Variants in GC observed in about 807,000 individuals in gnomAD.
GC encodes GC vitamin D binding protein.
Under a neutral mutation model 56.7 loss-of-function variants are expected in GC, and 43 were observed. The ratio of observed to expected loss-of-function variants is 0.76; its 90% confidence interval spans 0.59 to 0.98. The LOEUF is 0.98. Among genes scored for constraint, GC ranks in the 50% least tolerant of loss-of-function variants. The pLI, the probability that GC is intolerant of heterozygous loss-of-function variation, is 0.00. For missense variants in GC, 529 were observed against 545.9 expected (o/e 0.97, Z 0.31); for synonymous variants, 216 against 202.7 (o/e 1.07, Z -0.56).
At chr4:71,781,411 G>T (rs576847848) in intron 1 of GC, among the ~76,000 whole-genome samples, 1 of 149,702 alleles carries the variant, frequency 6.7e-6, no homozygotes, top group Non-Finnish European at 1.5e-5. Context: ...AACTTGAATC[G>T]AAAAAAAAGA....
chr4:71,751,216 T>C (rs1292345246), intron 11 of GC, among the ~76,000 whole-genome samples: 1 of 152,130 alleles, frequency 6.6e-6, no homozygotes, highest in Non-Finnish European at 1.5e-5. Flanking sequence ...CCCCTCACCG[T>C]GAAAATAGGG....
At chr4:71,777,329 G>C (rs559768553) in intron 1 of GC, among the ~76,000 whole-genome samples, 1 of 151,712 alleles carries the variant, frequency 6.6e-6, no homozygotes, top group South Asian at 2.1e-4. Flanking sequence ...GATATACATT[G>C]CTTTAAGTGC....
chr4:71,767,966 T>A (rs1470992055), intron 3 of GC, among the ~76,000 whole-genome samples: 1 of 152,160 alleles, frequency 6.6e-6, no homozygotes. Context: ...TGGGCTGATA[T>A]TTGAGAAGAT....
chr4:71,792,567 T>C (rs1260677508), intron 1 of GC, among the ~76,000 whole-genome samples: 3 of 152,214 alleles, frequency 2.0e-5, no homozygotes, highest in African/African-American at 7.2e-5. Context: ...ATTAGCCCTT[T>C]GTCAGATGGG....
chr4:71,758,123 A>G lies in GC; in HGVS notation c.750T>C (p.Asp250=). 1 of 1,613,478 alleles carries G rather than the reference A, an allele frequency of 6.2e-7. No individual in the cohort carries two copies. The highest frequency in any genetic ancestry group is 8.5e-7 in the Non-Finnish European group (1 of 1,179,480). ...AQKVPTADLE[D]VLPLAEDITN... is the part of the protein sequence containing the mutation. ...TAATATCTTCAGCTAGTGGCAAAAC[A>G]TCCTCCAGATCAGCAGTAGGCACTT... The change falls in exon 7 of 13, where the codon GAT becomes GAC. Residue 250 remains aspartate, a synonymous_variant. Coordinates refer to ENST00000273951, the MANE Select transcript of GC (RefSeq NM_000583.4).
At chr4:71,784,246 G>C (rs1422536581), upstream of GC, 4 of 1,219,116 alleles carry the variant, frequency 3.3e-6, no homozygotes, top group Non-Finnish European at 3.1e-6. Context: ...AGACACCCTG[G>C]GGATACTGTA....
intron 9 of GC, 65 bp from the exon 10 acceptor site, chr4:71,754,573 T>C: frequency 2.4e-6 from 2 of 845,478 alleles, no homozygotes; most frequent in Non-Finnish European, 3.9e-6. Context: ...ATCAAGCCAT[T>C]AAATCAAAAT....
chr4:71,797,168 G>A (rs1743126842), intron 1 of GC, among the ~76,000 whole-genome samples: 1 of 152,208 alleles, frequency 6.6e-6, no homozygotes, highest in South Asian at 2.1e-4. Flanking sequence ...GAGGCAGTCT[G>A]TCCATTCTCA....
At chr4:71,744,456 C>A (rs370729474) in intron 12 of GC, among the ~76,000 whole-genome samples, 5 of 33,388 alleles carry the variant, frequency 1.5e-4, no homozygotes, top group African/African-American at 1.5e-4. Context: ...GAGACTCCAT[C>A]TCAAAAAAAA....
At chr4:71,779,592 T>A (rs775739180) in intron 1 of GC, among the ~76,000 whole-genome samples, 1 of 151,798 alleles carries the variant, frequency 6.6e-6, no homozygotes, top group African/African-American at 2.4e-5. Context: ...ATGGGTAGAA[T>A]GAAGAAGTTA....
rs1369882722 is a variant in GC, at chr4:71,769,396, C to A, written c.63G>T (p.Arg21=). 1 of 1,611,250 alleles carries A rather than the reference C, an allele frequency of 6.2e-7. No individual in the cohort carries two copies. The highest frequency in any genetic ancestry group is 1.7e-5 in the Admixed American group (1 of 59,958). ...TGCAGACTTTATTCTTTTCATAATCCCGGCCTAGGAGGCAGAAATAGAAAA... is the reference window on the plus strand; with the variant it reads ...TGCAGACTTTATTCTTTTCATAATCACGGCCTAGGAGGCAGAAATAGAAAA... ...VAFGHALERG[R]DYEKNKVCKE... Residue 21 remains arginine, a synonymous_variant, in exon 2 of 13, where the codon CGG becomes CGT. Transcript: ENST00000273951.
chr4:71,744,096 T>C (rs1046330070), intron 12 of GC, among the ~76,000 whole-genome samples: 2 of 152,032 alleles, frequency 1.3e-5, no homozygotes, highest in Non-Finnish European at 1.5e-5. Flanking sequence ...ATTAGAATCT[T>C]CATTAGCTTG....
At chr4:71,770,471 A>C (rs1742307073) in intron 1 of GC, among the ~76,000 whole-genome samples, 2 of 152,156 alleles carry the variant, frequency 1.3e-5, no homozygotes, top group South Asian at 4.2e-4. Context: ...CAAGGGAGAG[A>C]GATCACAGAA....
At position 71,768,418 on chromosome 4, in the gene GC, G is replaced by C; in HGVS notation, c.144C>G (p.Tyr48Ter). 2 of 1,611,698 alleles carry C rather than the reference G, an allele frequency of 1.2e-6. No individual in the cohort carries two copies. The highest frequency in any genetic ancestry group is 1.7e-6 in the Non-Finnish European group (2 of 1,178,966). ...EDFTSLSLVL[Y>*]SRKFPSGTFE... ...ACGTGCCACTGGGAAATTTTCTACT[G>C]TACAGGACTAGTGACCTGAGGGGAA... Residue 48 changes from tyrosine to a stop codon, truncating the protein, a stop_gained, in exon 3 of 13, where the codon TAC becomes TAG. Coordinates refer to ENST00000273951, the MANE Select transcript of GC (RefSeq NM_000583.4). LOFTEE classifies it high-confidence loss of function.
intron 1 of GC, among the ~76,000 whole-genome samples, chr4:71,780,557 T>C (rs1742640455): frequency 6.6e-6 from 1 of 151,636 alleles, no homozygotes; most frequent in Non-Finnish European, 1.5e-5. Context: ...AACAACCCCA[T>C]CAAAAAGTGG....
In GC at chr4:71,764,329, GT is replaced by G. The variant is rs1461866063; in HGVS notation, c.474-394del. Among the ~76,000 whole-genome samples the G allele has an allele frequency of 1.9e-4, 29 of 152,164 alleles. 1 individual carries two copies. Among genetic ancestry groups the G allele is most frequent in the Admixed American group, 1.6e-3 (25 of 15,278 alleles). ...GTATTTTGATGGACAAAGGATATAT[GT>G]TACATTAATTTATAGTTTTAATATC... is the stretch of plus-strand genomic sequence containing the variant. On this transcript the variant is annotated intron_variant, in intron 4 of 12. Coordinates refer to ENST00000273951, the MANE Select transcript of GC (RefSeq NM_000583.4).
chr4:71,756,816 C>T lies in GC; in HGVS notation c.930G>A (p.Val310=). The part of the protein sequence containing the change: ...CQEKTAMDVF[V]CTYFMPAAQL... ...GGGCAGCTGGCATGAAGTAAGTGCA[C>T]ACAAAAACGTCCATGGCTGTTTTTT... The change falls in exon 8 of 13, where the codon GTG becomes GTA. Residue 310 remains valine, a synonymous_variant. Coordinates refer to ENST00000273951, the MANE Select transcript of GC (RefSeq NM_000583.4). 1.9e-6 allele frequency: 3 copies of T among 1,613,000 alleles called. No individual in the cohort carries two copies. The highest frequency in any genetic ancestry group is 1.7e-6 in the Non-Finnish European group (2 of 1,178,998).
chr4:71,786,165 C>A (rs1029065459), upstream of GC, among the ~76,000 whole-genome samples: 1 of 151,788 alleles, frequency 6.6e-6, no homozygotes, highest in African/African-American at 2.4e-5. Context: ...AATCTCTATA[C>A]GAGCTGCCAA....
At position 71,780,292 on chromosome 4, in the gene GC, C is replaced by G. The variant is rs113602118; in HGVS notation, c.58+3669G>C. Among the ~76,000 whole-genome samples the G allele has an allele frequency of 1.7e-4, 26 of 152,136 alleles. 2 individuals are homozygous for G. The highest frequency in any genetic ancestry group is 6.3e-4 in the African/African-American group (26 of 41,540). On this transcript the variant is annotated intron_variant, in intron 1 of 12. Transcript: ENST00000273951. ...AAACCATAAAAACCCTAGAAGAAAA[C>G]CTAGGCAATACCATTCAGGACATAG...
Sources: allele counts gnomAD v4.1 joint callset (sites outside exome capture counted in the v4.1 genomes callset), GRCh38; gene constraint gnomAD v4.1.1; transcripts MANE v1.5; gene names NCBI Gene and HGNC (gene_info 2026-07-23, HGNC 2026-07-21).